Variants in LMTK2 observed in about 807,000 individuals in gnomAD.
LMTK2 encodes the protein lemur tail kinase 2, also known as serine/threonine-protein kinase LMTK2.
Under a neutral mutation model 127.5 loss-of-function variants are expected in LMTK2, and 37 were observed. The observed-to-expected ratio is 0.29, with a 90% CI of 0.22 to 0.38. The LOEUF is 0.38. Among genes scored for constraint, LMTK2 ranks in the 10% least tolerant of loss-of-function variants. The pLI, the probability that LMTK2 is intolerant of heterozygous loss-of-function variation, is 1.00. For missense variants in LMTK2, 1,694 were observed against 1,920.3 expected (o/e 0.88, Z 2.20); for synonymous variants, 819 against 810.1 (o/e 1.01, Z -0.19).
chr7:98,195,370 G>A (rs1797610256), intron 11 of LMTK2, among the ~76,000 whole-genome samples: 1 of 152,046 alleles, frequency 6.6e-6, no homozygotes, highest in Non-Finnish European at 1.5e-5. Context: ...CCCCTGACCT[G>A]TCCTCTTTCC....
intron 6 of LMTK2, among the ~76,000 whole-genome samples, chr7:98,163,838 AGG>A (rs1797050266): frequency 7.3e-6 from 1 of 136,998 alleles, no homozygotes; most frequent in East Asian, 4.8e-4. Flanking sequence ...CGCAATACAA[AGG>A]GCACAAAGGG....
intron 6 of LMTK2, among the ~76,000 whole-genome samples, chr7:98,166,053 C>T (rs777214176): frequency 6.6e-6 from 1 of 152,246 alleles, no homozygotes; most frequent in African/African-American, 2.4e-5. Flanking sequence ...GCCCTCCCCA[C>T]GCCTGGCTGC....
At chr7:98,167,826 C>T (rs935393792) in intron 6 of LMTK2, among the ~76,000 whole-genome samples, 5 of 152,130 alleles carry the variant, frequency 3.3e-5, no homozygotes, top group African/African-American at 4.8e-5. Context: ...AGGGTCCTTA[C>T]GGATCAACGA....
rs996118898 is a variant in LMTK2, at chr7:98,187,101, G to A, written c.998+103G>A. The A allele has an allele frequency of 7.8e-6, 8 of 1,024,986 alleles. No individual in the cohort carries two copies. In the Admixed American group the frequency reaches 1.2e-4, roughly 16 times the overall value. The allele number at this position is 1,024,986 out of a possible 1,614,324, so 63.5% of individuals were successfully genotyped here. A position where few individuals can be genotyped will look rare whatever the true frequency, so the allele number is the denominator to read the frequency against. On this transcript the variant is annotated intron_variant, in intron 9 of 13. Coordinates refer to ENST00000297293, the MANE Select transcript of LMTK2 (RefSeq NM_014916.4). ...AGGAAAGTAGTTGTATAAGATGTAGGAACAAAAGAGTATCTGATGGTGTGA... is the reference window on the plus strand; with the variant it reads ...AGGAAAGTAGTTGTATAAGATGTAGAAACAAAAGAGTATCTGATGGTGTGA...
intron 2 of LMTK2, among the ~76,000 whole-genome samples, chr7:98,140,157 CT>C (rs376229688): frequency 0.63 from 36,225 of 57,498 alleles, 13,669 homozygotes; most frequent in Middle Eastern, 0.71. Context: ...CTTTTCTTTT[CT>C]TTTCTTTTCT....
chr7:98,163,584 G>T (rs780954119), intron 6 of LMTK2, among the ~76,000 whole-genome samples: 1 of 152,210 alleles, frequency 6.6e-6, no homozygotes. Flanking sequence ...GGCCTGACAG[G>T]GTTCTTGGCA....
Position 98,193,022 on chromosome 7 carries a change from T to C in LMTK2, c.2557T>C (p.Cys853Arg). Residue 853 changes from cysteine (C) to arginine (R), a missense_variant, in exon 11 of 14, where the codon TGT (cysteine) becomes CGT (arginine). Physicochemically the swap from Cys to Arg is radical, Grantham distance 180 (BLOSUM62 -3). Coordinates refer to ENST00000297293, the MANE Select transcript of LMTK2 (RefSeq NM_014916.4). The surrounding 1 kb of genome is among the most constrained non-coding windows in gnomAD (Gnocchi z 4.1). ...TCLDVIVPEDCLHQDISPDAV... is the reference protein window; with the variant it reads ...TCLDVIVPEDRLHQDISPDAV... ...TTTAGATGTTATTGTCCCGGAGGAC[T>C]GTCTCCACCAGGACATCAGTCCAGA... 6.2e-7 allele frequency: 1 copy of C among 1,613,986 alleles called. No homozygotes were observed. Among genetic ancestry groups the C allele is most frequent in the East Asian group, 2.2e-5 (1 of 44,874 alleles).
At chr7:98,170,955 T>A (rs1240254198) in intron 6 of LMTK2, among the ~76,000 whole-genome samples, 2 of 152,188 alleles carry the variant, frequency 1.3e-5, no homozygotes, top group African/African-American at 4.8e-5. Context: ...TGAGTTTTTC[T>A]GGAGTGGCTG....
chr7:98,141,381 C>T lies in LMTK2; in HGVS notation c.232-16C>T, dbSNP rs1796696882. The stretch of plus-strand genomic sequence containing the variant: ...GTTAGCCAATGGTTTTTAATGCTTG[C>T]TCTCTTTCATTTTAGGAATTTGAAG... On this transcript the variant is annotated splice_polypyrimidine_tract_variant and intron_variant, in intron 2 of 13. Transcript: ENST00000297293. The T allele has an allele frequency of 6.2e-7, 1 of 1,610,704 alleles. No individual in the cohort carries two copies. The highest frequency in any genetic ancestry group is 8.5e-7 in the Non-Finnish European group (1 of 1,177,072).
chr7:98,192,952 A>T lies in LMTK2; in HGVS notation c.2487A>T (p.Val829=), dbSNP rs1797556156. Residue 829 remains valine, a synonymous_variant, in exon 11 of 14, where the codon GTA becomes GTT. Transcript: ENST00000297293. ...AAACAGAAGAAACGCCCCGTCGGGT[A>T]CCCCCAGACTCACTCCCAACACAGG... ...SFETEETPRR[V]PPDSLPTQGE... 1.9e-6 allele frequency: 3 copies of T among 1,614,002 alleles called. No individual in the cohort carries two copies. In the East Asian group the frequency reaches 6.7e-5, roughly 36 times the overall value.
chr7:98,202,193 C>T (rs76790991), intron 11 of LMTK2, among the ~76,000 whole-genome samples: 1 of 152,114 alleles, frequency 6.6e-6, no homozygotes, highest in African/African-American at 2.4e-5. Context: ...TGATTTCCTT[C>T]GTCATCTCCA....
Position 98,192,396 on chromosome 7 carries a change from A to T in LMTK2, c.1931A>T (p.Asp644Val). 6.2e-7 allele frequency: 1 copy of T among 1,610,482 alleles called. No individual in the cohort carries two copies. Reference sequence around the variant, plus strand: ...TTTAATGATGTGGACAAATCGGAAGATTTGCCCAGTCACCAAAAAATATTC... The same window carrying T: ...TTTAATGATGTGGACAAATCGGAAGTTTTGCCCAGTCACCAAAAAATATTC... Reference protein sequence around the residue: ...NIFNDVDKSEDLPSHQKIFDL... With the variant: ...NIFNDVDKSEVLPSHQKIFDL... Residue 644 changes from aspartate to valine, a missense_variant, in exon 11 of 14, where the codon GAT becomes GTT. Physicochemically the swap from Asp to Val is radical, Grantham distance 152. Coordinates refer to ENST00000297293, the MANE Select transcript of LMTK2 (RefSeq NM_014916.4).
chr7:98,208,216 T>C lies in LMTK2; in HGVS notation c.*2724T>C, dbSNP rs1417122876. 1 of 152,160 alleles carries C rather than the reference T, an allele frequency of 6.6e-6. No individual in the cohort carries two copies. Among genetic ancestry groups the C allele is most frequent in the Non-Finnish European group, 1.5e-5 (1 of 68,028 alleles). The allele number at this position is 152,160 out of a possible 1,614,324, so 9.4% of individuals were successfully genotyped here. On this transcript the variant is annotated 3_prime_UTR_variant, in exon 14 of 14. Coordinates refer to ENST00000297293, the MANE Select transcript of LMTK2 (RefSeq NM_014916.4). ...TTTTATACATTGAGTTGGGGGGTAGTGGATCTTAGTGTGGTGTTGCATGGA... is the reference window on the plus strand; with the variant it reads ...TTTTATACATTGAGTTGGGGGGTAGCGGATCTTAGTGTGGTGTTGCATGGA...
At chr7:98,175,303 A>G (rs1797260238) in intron 7 of LMTK2, among the ~76,000 whole-genome samples, 1 of 152,222 alleles carries the variant, frequency 6.6e-6, no homozygotes, top group Non-Finnish European at 1.5e-5. Flanking sequence ...GAGTAGCAAG[A>G]TGATGTATAT....
chr7:98,134,691 G>A (rs1323212303), intron 1 of LMTK2, among the ~76,000 whole-genome samples: 2 of 152,150 alleles, frequency 1.3e-5, no homozygotes, highest in African/African-American at 2.4e-5. Flanking sequence ...TTCCAGTGGG[G>A]AAGCACAGGC....
chr7:98,194,425 C>T lies in LMTK2; in HGVS notation c.3960C>T (p.Ile1320=). The T allele has an allele frequency of 6.2e-7, 1 of 1,614,176 alleles. No homozygotes were observed. Among genetic ancestry groups the T allele is most frequent in the South Asian group, 1.1e-5 (1 of 91,088 alleles). Residue 1320 remains isoleucine, a synonymous_variant, in exon 11 of 14, where the codon ATC becomes ATT. Transcript: ENST00000297293. The surrounding 1 kb of genome is among the most constrained non-coding windows in gnomAD (Gnocchi z 5.4). Reference sequence around the variant, plus strand: ...ACGAGACCGAGCACCCCGTGCCCATCATCCTCAGCAACGAGGACGGAAGGC... The same window carrying T: ...ACGAGACCGAGCACCCCGTGCCCATTATCCTCAGCAACGAGGACGGAAGGC... ...SEDETEHPVP[I]ILSNEDGRHL... is the part of the protein sequence containing the mutation.
intron 1 of LMTK2, among the ~76,000 whole-genome samples, chr7:98,109,588 A>G (rs1243660077): frequency 6.6e-6 from 1 of 151,892 alleles, no homozygotes; most frequent in East Asian, 1.9e-4. Context: ...TACTAAATAT[A>G]CAAAAATTAG....
chr7:98,137,824 T>G (rs1286889807), intron 2 of LMTK2, among the ~76,000 whole-genome samples: 1 of 152,214 alleles, frequency 6.6e-6, no homozygotes, highest in Admixed American at 6.5e-5. Flanking sequence ...GGTGATTGAA[T>G]TCACTGTTGT....
chr7:98,127,629 C>T (rs1002815027), intron 1 of LMTK2, among the ~76,000 whole-genome samples: 25 of 152,252 alleles, frequency 1.6e-4, no homozygotes, highest in African/African-American at 6.0e-4. Context: ...AAGGATGGAC[C>T]CCTGCCAGTG....
Sources: gnomAD v4.1 joint callset for allele counts (sites outside exome capture counted in the v4.1 genomes callset) on GRCh38, gnomAD v4.1.1 for gene constraint, Gnocchi (gnomAD v3.1) non-coding constraint, MANE v1.5 for transcripts, NCBI Gene and HGNC (gene_info 2026-07-23, HGNC 2026-07-21) for gene names.